The following UROC1 variants were observed in gnomAD, a reference collection of about 807,000 sequenced individuals.
UROC1 encodes the protein urocanate hydratase 1.
In UROC1, 79 loss-of-function variants were observed where a neutral mutation model predicts 89.5. That is an observed-to-expected ratio of 0.88 (90% CI 0.74 to 1.06). The LOEUF (loss-of-function observed/expected upper bound fraction) is 1.06, where lower values mean the gene tolerates loss of function less well. Ranked by LOEUF, UROC1 falls within the 50% of genes least tolerant of loss-of-function variation. UROC1 has a pLI of 0.00. For missense variants in UROC1, 885 were observed against 907.8 expected (o/e 0.97, Z 0.32); for synonymous variants, 361 against 354.8 (o/e 1.02, Z -0.20).
Position 126,508,473 on chromosome 3 carries a change from A to C in UROC1, c.354T>G (p.Phe118Leu). The C allele has an allele frequency of 6.2e-7, 1 of 1,613,506 alleles. No homozygotes were observed. The highest frequency in any genetic ancestry group is 8.5e-7 in the Non-Finnish European group (1 of 1,179,744). ...CTCCATAGGTCACCAGCTCCTGGGG[A>C]AACTGAGGAAGACACGGGGTCATCT... ...MNNLDPAVAQ[F>L]PQELVTYGGN... The change falls in exon 4 of 20, where the codon TTT (phenylalanine) becomes TTG (leucine). Residue 118 changes from phenylalanine to leucine, a missense_variant and splice_region_variant. Phe to Leu is a conservative substitution (Grantham distance 22, BLOSUM62 0). Transcript: ENST00000290868.
chr3:126,482,158 C>G lies in UROC1; in HGVS notation c.*187G>C, dbSNP rs1935403030. ...GTTGTGGACAGAGAGCTGCATGTCT[C>G]TGGGCCTCAGGGGGCTGTCTGTAAA... On this transcript the variant is annotated 3_prime_UTR_variant, in exon 20 of 20. Coordinates refer to ENST00000290868, the MANE Select transcript of UROC1 (RefSeq NM_144639.3). 1 of 768,796 alleles carries G rather than the reference C, an allele frequency of 1.3e-6. No individual in the cohort carries two copies. The allele number at this position is 768,796 out of a possible 1,614,324, so 47.6% of individuals were successfully genotyped here.
intron 16 of UROC1, among the ~76,000 whole-genome samples, chr3:126,490,755 GAGA>G (rs1267724447): frequency 6.6e-6 from 1 of 152,108 alleles, no homozygotes; most frequent in Admixed American, 6.5e-5. Context: ...CCTGACTAAA[GAGA>G]AGGAGTAGGG....
chr3:126,509,781 A>G (rs923004872), intron 2 of UROC1, 103 bp from the exon 3 acceptor site: 3 of 1,087,878 alleles, frequency 2.8e-6, no homozygotes, highest in Non-Finnish European at 4.1e-6. Context: ...ATAGCCGGAC[A>G]CGGGGCCTGC....
intron 16 of UROC1, among the ~76,000 whole-genome samples, chr3:126,490,025 G>A (rs1935606771): frequency 6.6e-6 from 1 of 152,150 alleles, no homozygotes; most frequent in Admixed American, 6.5e-5. Context: ...GTGTTGGAGG[G>A]CCTCACTGGG....
chr3:126,485,922 A>G (rs1935505919), intron 18 of UROC1, among the ~76,000 whole-genome samples: 1 of 152,164 alleles, frequency 6.6e-6, no homozygotes, highest in African/African-American at 2.4e-5. Context: ...CTCACCAACA[A>G]AACTGCAGAG....
At position 126,499,946 on chromosome 3, in the gene UROC1, G is replaced by A. The variant is rs1380985348; in HGVS notation, c.1243+111C>T. On this transcript the variant is annotated intron_variant, in intron 12 of 19. Transcript: ENST00000290868. ...CACAGTGAAGCCTCGGTCAGGATTT[G>A]CTGGGCCACCCATGGCACCTCCGAG... 46 of 1,091,586 alleles carry A rather than the reference G, an allele frequency of 4.2e-5. No individual in the cohort carries two copies. In the Middle Eastern group the frequency reaches 7.0e-4, roughly 16 times the overall value. The allele number at this position is 1,091,586 out of a possible 1,614,324, so 67.6% of individuals were successfully genotyped here. A position where few individuals can be genotyped will look rare whatever the true frequency, so the allele number is the denominator to read the frequency against.
intron 14 of UROC1, among the ~76,000 whole-genome samples, chr3:126,496,396 A>T (rs1935778550): frequency 6.6e-6 from 1 of 152,222 alleles, no homozygotes. Flanking sequence ...TGAGCAAGGC[A>T]CCAGGAACAA....
chr3:126,495,758 A>G (rs1935760947), intron 15 of UROC1, among the ~76,000 whole-genome samples: 1 of 152,186 alleles, frequency 6.6e-6, no homozygotes, highest in South Asian at 2.1e-4. Context: ...CATTTCACCA[A>G]CAATGCACAA....
At chr3:126,506,793 C>T (rs1936069326) in intron 6 of UROC1, among the ~76,000 whole-genome samples, 1 of 152,208 alleles carries the variant, frequency 6.6e-6, no homozygotes, top group Non-Finnish European at 1.5e-5. Flanking sequence ...AAATACTTTG[C>T]ATTGCCGGCC....
intron 18 of UROC1, among the ~76,000 whole-genome samples, chr3:126,484,450 G>A (rs1360200854): frequency 2.6e-5 from 4 of 152,214 alleles, no homozygotes; most frequent in Admixed American, 6.5e-5. Context: ...TGTCCCTCCT[G>A]CCTCTTATTC....
chr3:126,490,287 T>C (rs758202006), intron 16 of UROC1, among the ~76,000 whole-genome samples: 3 of 152,172 alleles, frequency 2.0e-5, no homozygotes, highest in Non-Finnish European at 4.4e-5. Flanking sequence ...AGCTGCTGCT[T>C]TGCCCCCACG....
At chr3:126,507,615 AAATT>A in intron 6 of UROC1, 123 bp downstream of exon 6, 1 of 1,026,556 alleles carries the variant, frequency 9.7e-7, no homozygotes, top group Non-Finnish European at 1.5e-6. Flanking sequence ...TGTAAAAATA[AAATT>A]AATTATGCTA....
chr3:126,505,220 G>C (rs1260242077), intron 8 of UROC1, among the ~76,000 whole-genome samples: 1 of 152,266 alleles, frequency 6.6e-6, no homozygotes, highest in East Asian at 1.9e-4. Flanking sequence ...AGCCTCAGGT[G>C]TTCCTTTATA....
intron 1 of UROC1, among the ~76,000 whole-genome samples, chr3:126,514,187 C>T (rs756533681): frequency 4.8e-4 from 73 of 152,354 alleles, no homozygotes; most frequent in Admixed American, 1.6e-3. Context: ...CTGCTGCTGT[C>T]ACTGGAGACC....
At position 126,504,088 on chromosome 3, in the gene UROC1, G is replaced by C; in HGVS notation, c.814-5C>G. On this transcript the variant is annotated splice_region_variant and splice_polypyrimidine_tract_variant and intron_variant, in intron 8 of 19. Coordinates refer to ENST00000290868, the MANE Select transcript of UROC1 (RefSeq NM_144639.3). ...CTCAAGGGCTGCTTTATCCACCTGG[G>C]GCCATGAGACATGGGGCCACGAGAC... The C allele has an allele frequency of 6.2e-7, 1 of 1,613,940 alleles. No individual in the cohort carries two copies. The highest frequency in any genetic ancestry group is 8.5e-7 in the Non-Finnish European group (1 of 1,179,974).
rs1560122342 is a variant in UROC1, at chr3:126,501,211, C to G, written c.965+7G>C. ...AAGCTGGCCATCAACTCCCAACCCCCACTCACCAAAGAGCCACCACGTTGC... is the reference window on the plus strand; with the variant it reads ...AAGCTGGCCATCAACTCCCAACCCCGACTCACCAAAGAGCCACCACGTTGC... On this transcript the variant is annotated splice_region_variant and intron_variant, in intron 10 of 19. Coordinates refer to ENST00000290868, the MANE Select transcript of UROC1 (RefSeq NM_144639.3). The G allele has an allele frequency of 6.2e-7, 1 of 1,614,164 alleles. No homozygotes were observed. Among genetic ancestry groups the G allele is most frequent in the Non-Finnish European group, 8.5e-7 (1 of 1,180,002 alleles).
intron 1 of UROC1, among the ~76,000 whole-genome samples, chr3:126,513,542 C>G (rs1295289616): frequency 1.3e-5 from 2 of 152,210 alleles, no homozygotes; most frequent in African/African-American, 4.8e-5. Flanking sequence ...CATTGCCGCT[C>G]TCTGACTGCC....
intron 15 of UROC1, among the ~76,000 whole-genome samples, chr3:126,493,383 G>A (rs1414055979): frequency 6.6e-6 from 1 of 152,228 alleles, no homozygotes; most frequent in Non-Finnish European, 1.5e-5. Flanking sequence ...CCAGCGTGGT[G>A]CACGGATGAA....
At chr3:126,513,645 T>C (rs896477975) in intron 1 of UROC1, among the ~76,000 whole-genome samples, 1 of 152,186 alleles carries the variant, frequency 6.6e-6, no homozygotes, top group African/African-American at 2.4e-5. Context: ...GAACAGCCCC[T>C]GGCACACCTA....
Sources: gnomAD v4.1 joint callset for allele counts (sites outside exome capture counted in the v4.1 genomes callset) on GRCh38, gnomAD v4.1.1 for gene constraint, MANE v1.5 for transcripts, NCBI Gene and HGNC (gene_info 2026-07-23, HGNC 2026-07-21) for gene names.